Variants in THSD7A observed in about 807,000 individuals in gnomAD.
The protein encoded by THSD7A is thrombospondin type-1 domain-containing protein 7A.
A neutral mutation model predicts 231.3 loss-of-function variants in THSD7A; 96 were observed. The ratio of observed to expected loss-of-function variants is 0.41; its 90% confidence interval spans 0.35 to 0.49. The LOEUF is 0.49. Among genes scored for constraint, THSD7A ranks in the 20% least tolerant of loss-of-function variants. The pLI is 0.05. For missense variants in THSD7A, 2,290 were observed against 2,070.2 expected (o/e 1.11, Z -2.06); for synonymous variants, 940 against 743.3 (o/e 1.26, Z -4.30).
intron 1 of THSD7A, among the ~76,000 whole-genome samples, chr7:11,787,353 A>C (rs928010475): frequency 7.2e-5 from 11 of 152,100 alleles, no homozygotes; most frequent in African/African-American, 2.7e-4. Flanking sequence ...TTGGATATAG[A>C]ATTTTTTTTA....
At chr7:11,719,223 C>G (rs1781257565) in intron 1 of THSD7A, among the ~76,000 whole-genome samples, 1 of 151,538 alleles carries the variant, frequency 6.6e-6, no homozygotes, top group South Asian at 2.1e-4. Flanking sequence ...TATCTTCCCA[C>G]CTTAACTAAA....
chr7:11,641,460 T>C (rs1311686848), intron 1 of THSD7A, among the ~76,000 whole-genome samples: 2 of 152,132 alleles, frequency 1.3e-5, no homozygotes, highest in African/African-American at 4.8e-5. Context: ...CACAAGAGTT[T>C]CTAAAGTTTG....
At chr7:11,611,849 T>A (rs1003811356) in intron 2 of THSD7A, among the ~76,000 whole-genome samples, 1 of 138,784 alleles carries the variant, frequency 7.2e-6, no homozygotes, top group Non-Finnish European at 1.6e-5. Context: ...TGTCTATCTA[T>A]CTATCTATCT....
At chr7:11,608,271 G>C (rs1243979747) in intron 2 of THSD7A, among the ~76,000 whole-genome samples, 1 of 152,130 alleles carries the variant, frequency 6.6e-6, no homozygotes, top group Non-Finnish European at 1.5e-5. Flanking sequence ...TGCCTGTTAA[G>C]AGGCCTGTTT....
intron 1 of THSD7A, among the ~76,000 whole-genome samples, chr7:11,718,377 G>A (rs1260306436): frequency 6.6e-6 from 1 of 151,584 alleles, no homozygotes; most frequent in African/African-American, 2.4e-5. Flanking sequence ...TCATTTCTGT[G>A]TTAAATCTGA....
intron 1 of THSD7A, among the ~76,000 whole-genome samples, chr7:11,809,843 C>T (rs993500195): frequency 2.0e-5 from 3 of 152,084 alleles, no homozygotes; most frequent in Admixed American, 6.6e-5. Context: ...TGGTGTCATA[C>T]GTGGCTCAAG....
intron 1 of THSD7A, among the ~76,000 whole-genome samples, chr7:11,789,775 C>T (rs983354914): frequency 6.6e-6 from 1 of 151,942 alleles, no homozygotes; most frequent in South Asian, 2.1e-4. Context: ...GTTTTAGAGG[C>T]TCTCTTGATG....
chr7:11,420,587 G>A (rs999405262), intron 16 of THSD7A, among the ~76,000 whole-genome samples: 4 of 152,242 alleles, frequency 2.6e-5, no homozygotes, highest in African/African-American at 9.6e-5. Context: ...CTAGGGCAGT[G>A]TGAAGCAGAA....
intron 4 of THSD7A, among the ~76,000 whole-genome samples, chr7:11,586,326 A>G (rs778820571): frequency 1.3e-4 from 19 of 151,744 alleles, no homozygotes; most frequent in Non-Finnish European, 1.9e-4. Context: ...ATTTTTCTTC[A>G]TGGGACAGGT....
intron 2 of THSD7A, among the ~76,000 whole-genome samples, chr7:11,602,618 C>G (rs1780590228): frequency 6.6e-6 from 1 of 151,676 alleles, no homozygotes; most frequent in Non-Finnish European, 1.5e-5. Context: ...ATGGATTTTT[C>G]CTTGGTCTCA....
chr7:11,693,937 T>C (rs1215973455), intron 1 of THSD7A, among the ~76,000 whole-genome samples: 1 of 151,632 alleles, frequency 6.6e-6, no homozygotes, highest in Non-Finnish European at 1.5e-5. Flanking sequence ...TTTGTAGCAA[T>C]TTATTTCATA....
intron 2 of THSD7A, among the ~76,000 whole-genome samples, chr7:11,633,580 A>G (rs1269266487): frequency 6.6e-6 from 1 of 152,142 alleles, no homozygotes; most frequent in Non-Finnish European, 1.5e-5. Flanking sequence ...TGTAACACAT[A>G]ATGCCCTTCT....
intron 1 of THSD7A, among the ~76,000 whole-genome samples, chr7:11,704,191 C>G (rs151228308): frequency 3.0e-3 from 459 of 150,984 alleles, no homozygotes; most frequent in Non-Finnish European, 5.4e-3. Context: ...AACTTTAAAG[C>G]AAAACTACAA....
intron 1 of THSD7A, among the ~76,000 whole-genome samples, chr7:11,706,194 C>T (rs1048852710): frequency 6.6e-6 from 1 of 150,862 alleles, no homozygotes; most frequent in African/African-American, 2.4e-5. Context: ...GCTACAAAGG[C>T]ACCATTTTGT....
intron 4 of THSD7A, among the ~76,000 whole-genome samples, chr7:11,573,712 T>C (rs921621979): frequency 6.6e-6 from 1 of 152,248 alleles, no homozygotes; most frequent in Non-Finnish European, 1.5e-5. Context: ...TATTCCTAAA[T>C]ATACAAGTTT....
At chr7:11,642,462 G>A (rs1377930296) in intron 1 of THSD7A, among the ~76,000 whole-genome samples, 2 of 152,108 alleles carry the variant, frequency 1.3e-5, no homozygotes, top group Admixed American at 6.5e-5. Context: ...TTGTAGGATG[G>A]TGTTTACTCA....
At chr7:11,638,238 C>T (rs1035409616) in intron 1 of THSD7A, among the ~76,000 whole-genome samples, 3 of 152,106 alleles carry the variant, frequency 2.0e-5, no homozygotes, top group Admixed American at 2.0e-4. Flanking sequence ...ATTCGCTCTA[C>T]GGATGAGAAA....
At chr7:11,720,543 C>T (rs998979425) in intron 1 of THSD7A, among the ~76,000 whole-genome samples, 5 of 151,790 alleles carry the variant, frequency 3.3e-5, no homozygotes, top group African/African-American at 1.2e-4. Context: ...AAGCAATACT[C>T]TCCCTAATTG....
chr7:11,495,118 T>C (rs968512805), intron 6 of THSD7A, among the ~76,000 whole-genome samples: 1 of 152,068 alleles, frequency 6.6e-6, no homozygotes, highest in African/African-American at 2.4e-5. Flanking sequence ...TTTTCAAACT[T>C]GTAGCTTGCT....
Sources: allele counts gnomAD v4.1 joint callset (sites outside exome capture counted in the v4.1 genomes callset), GRCh38; gene constraint gnomAD v4.1.1; transcripts MANE v1.5; gene names NCBI Gene and HGNC (gene_info 2026-07-23, HGNC 2026-07-21).